Variants in CSGALNACT1 observed in about 807,000 individuals in gnomAD.
The protein encoded by CSGALNACT1 is beta4GalNAcT-1.
A neutral mutation model predicts 51.0 loss-of-function variants in CSGALNACT1; 52 were observed. That is an observed-to-expected ratio of 1.02 (90% CI 0.82 to 1.29). The LOEUF is 1.29. CSGALNACT1 is among the 50% of genes most tolerant of loss of function. The pLI, the probability that CSGALNACT1 is intolerant of heterozygous loss-of-function variation, is 0.00. For missense variants in CSGALNACT1, 935 were observed against 679.2 expected (o/e 1.38, Z -4.19); for synonymous variants, 341 against 254.4 (o/e 1.34, Z -3.24).
chr8:19,633,350 C>T (rs533500662), intron 1 of CSGALNACT1, among the ~76,000 whole-genome samples: 1 of 152,230 alleles, frequency 6.6e-6, no homozygotes, highest in Admixed American at 6.5e-5. Context: ...ACCCACACTA[C>T]AGACATAAAG....
At chr8:19,677,443 T>G (rs1384871690) in intron 1 of CSGALNACT1, among the ~76,000 whole-genome samples, 1 of 152,182 alleles carries the variant, frequency 6.6e-6, no homozygotes, top group Non-Finnish European at 1.5e-5. Flanking sequence ...AAGATATTTC[T>G]GTATGCTGAT....
rs545138567 is a variant in CSGALNACT1 at position 19,536,302 on chromosome 8, C to A, written c.-296-30172G>T. On this transcript the variant is annotated intron_variant, in intron 3 of 9. Coordinates refer to ENST00000454498, the Ensembl canonical transcript of CSGALNACT1. ...AGGGGTATATGGAAAATCTTTGTAC[C>A]TTCTTCATTTTGCTCTGAACTTCAA... is the stretch of plus-strand genomic sequence containing the variant. Among the ~76,000 whole-genome samples, 4 of 151,388 alleles carry A rather than the reference C, an allele frequency of 2.6e-5. No homozygotes were observed. The East Asian group carries it at 7.7e-4, about 29-fold the overall frequency.
At chr8:19,742,099 T>C (rs938515665) in intron 1 of CSGALNACT1, among the ~76,000 whole-genome samples, 6 of 152,300 alleles carry the variant, frequency 3.9e-5, no homozygotes, top group East Asian at 3.9e-4. Context: ...CTAGGCAAAA[T>C]ATAAATGTTA....
At chr8:19,686,042 G>T (rs189006430), upstream of CSGALNACT1, among the ~76,000 whole-genome samples, 1 of 152,210 alleles carries the variant, frequency 6.6e-6, no homozygotes, top group Non-Finnish European at 1.5e-5. Flanking sequence ...AGATTACAGT[G>T]ATAGCTGCCT....
At chr8:19,667,762 T>A (rs1434390510) in intron 1 of CSGALNACT1, among the ~76,000 whole-genome samples, 1 of 152,182 alleles carries the variant, frequency 6.6e-6, no homozygotes, top group Non-Finnish European at 1.5e-5. Flanking sequence ...CATAAATCAC[T>A]AACTTAAGCC....
chr8:19,586,658 G>C (rs1204306061), intron 3 of CSGALNACT1, among the ~76,000 whole-genome samples: 1 of 152,084 alleles, frequency 6.6e-6, no homozygotes, highest in African/African-American at 2.4e-5. Context: ...AGTCAGACTT[G>C]GAATCAGGTT....
rs1210631616 is a variant in CSGALNACT1, at chr8:19,579,861, T to G, written c.-297+11299A>C. ...GCACAAGAATTACAAAAAGTAATGG[T>G]AATATCACACTAAGTCTCCCGCTGA... On this transcript the variant is annotated intron_variant, in intron 3 of 9. Coordinates refer to ENST00000454498, the Ensembl canonical transcript of CSGALNACT1. Among the ~76,000 whole-genome samples, 3 of 152,142 alleles carry G rather than the reference T, an allele frequency of 2.0e-5. No individual in the cohort carries two copies. In the East Asian group the frequency reaches 5.8e-4, roughly 29 times the overall value.
intron 4 of CSGALNACT1, among the ~76,000 whole-genome samples, chr8:19,485,500 A>G (rs2153940500): frequency 6.6e-6 from 1 of 152,230 alleles, no homozygotes; most frequent in Non-Finnish European, 1.5e-5. Context: ...AGGAGATAGG[A>G]CACCCCTGTT....
At chr8:19,601,636 C>T (rs1377688207) in intron 2 of CSGALNACT1, 135 bp downstream of exon 2, 4 of 302,640 alleles carry the variant, frequency 1.3e-5, no homozygotes, top group Non-Finnish European at 2.6e-5. Context: ...GTATCATTCT[C>T]TTGAAGTAAT....
intron 3 of CSGALNACT1, among the ~76,000 whole-genome samples, chr8:19,586,462 A>G (rs573831117): frequency 6.6e-6 from 1 of 152,114 alleles, no homozygotes; most frequent in East Asian, 1.9e-4. Context: ...TAATGTAGTG[A>G]TTCTCAACCT....
chr8:19,660,243 T>A (rs2058644150), intron 1 of CSGALNACT1, among the ~76,000 whole-genome samples: 1 of 152,158 alleles, frequency 6.6e-6, no homozygotes, highest in Non-Finnish European at 1.5e-5. Context: ...AATGTCTGCC[T>A]CACCAAAAAA....
At chr8:19,420,438 C>T (rs777431353) in exon 7 of CSGALNACT1, 6 of 1,614,164 alleles carry the variant, frequency 3.7e-6, no homozygotes, top group Middle Eastern at 1.7e-4. Flanking sequence ...CTTCCAGAAG[C>T]GGGCTCCAAC....
chr8:19,747,382 C>A (rs897939466), intron 1 of CSGALNACT1, among the ~76,000 whole-genome samples: 1 of 152,140 alleles, frequency 6.6e-6, no homozygotes, highest in African/African-American at 2.4e-5. Flanking sequence ...ACTAATAATG[C>A]CCCAAGCACT....
At chr8:19,613,752 A>C (rs2154154396) in intron 1 of CSGALNACT1, among the ~76,000 whole-genome samples, 1 of 152,320 alleles carries the variant, frequency 6.6e-6, no homozygotes, top group South Asian at 2.1e-4. Context: ...GCTCTCCAAA[A>C]GAGGTATTAG....
chr8:19,645,026 T>G (rs541798271), intron 1 of CSGALNACT1, among the ~76,000 whole-genome samples: 1 of 152,178 alleles, frequency 6.6e-6, no homozygotes, highest in Non-Finnish European at 1.5e-5. Context: ...AAAGGATCTA[T>G]GTAAAAGTCT....
chr8:19,609,001 G>C (rs988814274), intron 1 of CSGALNACT1, among the ~76,000 whole-genome samples: 52 of 152,016 alleles, frequency 3.4e-4, no homozygotes, highest in African/African-American at 1.2e-3. Flanking sequence ...CAATTTCTGA[G>C]TTTATTTTGT....
At chr8:19,673,311 G>C (rs545901603) in intron 1 of CSGALNACT1, among the ~76,000 whole-genome samples, 1 of 151,380 alleles carries the variant, frequency 6.6e-6, no homozygotes, top group Admixed American at 6.6e-5. Flanking sequence ...GTGTTTCAAA[G>C]GCACTGAAAG....
rs554740302 is a variant in CSGALNACT1, at chr8:19,702,638, C to A, written c.-297+55212G>T. 1.8e-4 allele frequency among the ~76,000 whole-genome samples: 27 copies of A among 152,302 alleles called. No homozygotes were observed. The South Asian group carries it at 5.6e-3, about 32-fold the overall frequency. ...CAGCCAAACTAAGCACTGGTTGTCC[C>A]CTGCATGCACCTGGAATGCTCCATC... On this transcript the variant is annotated intron_variant, in intron 1 of 1. Coordinates refer to the CSGALNACT1 transcript ENST00000517494.
At chr8:19,593,858 A>T (rs1467571200) in intron 2 of CSGALNACT1, among the ~76,000 whole-genome samples, 1 of 152,142 alleles carries the variant, frequency 6.6e-6, no homozygotes, top group African/African-American at 2.4e-5. Flanking sequence ...ATTGCTCCAC[A>T]AGCCCATCTG....
Sources: allele counts gnomAD v4.1 joint callset (sites outside exome capture counted in the v4.1 genomes callset), GRCh38; gene constraint gnomAD v4.1.1; transcripts MANE v1.5; gene names NCBI Gene and HGNC (gene_info 2026-07-23, HGNC 2026-07-21).